The following DMRT3 variants were observed in gnomAD, a reference collection of about 807,000 sequenced individuals.
The protein encoded by DMRT3 is doublesex- and mab-3-related transcription factor 3.
In DMRT3, 29 loss-of-function variants were observed where a neutral mutation model predicts 34.9. That is an observed-to-expected ratio of 0.83 (90% CI 0.62 to 1.13). The LOEUF (loss-of-function observed/expected upper bound fraction) is 1.13, where lower values mean the gene tolerates loss of function less well. Ranked by LOEUF, DMRT3 falls within the 50% of genes most tolerant of loss-of-function variation. The pLI, the probability that DMRT3 is intolerant of heterozygous loss-of-function variation, is 0.00. For missense variants in DMRT3, 772 were observed against 629.1 expected (o/e 1.23, Z -2.43); for synonymous variants, 350 against 286.0 (o/e 1.22, Z -2.26).
chr9:986,964 T>C (rs911972746), intron 1 of DMRT3, among the ~76,000 whole-genome samples: 4 of 152,050 alleles, frequency 2.6e-5, no homozygotes, highest in Non-Finnish European at 5.9e-5. Flanking sequence ...GAAGGACTAG[T>C]TGTTTCTCTT....
intron 1 of DMRT3, among the ~76,000 whole-genome samples, chr9:987,734 T>C (rs921437525): frequency 1.3e-5 from 2 of 152,164 alleles, no homozygotes; most frequent in Non-Finnish European, 2.9e-5. Flanking sequence ...ATATAAATAC[T>C]TGGTGCTGAT....
chr9:986,486 A>G (rs1820285967), intron 1 of DMRT3, among the ~76,000 whole-genome samples: 1 of 152,174 alleles, frequency 6.6e-6, no homozygotes, highest in Admixed American at 6.5e-5. Flanking sequence ...TGGTTGACAG[A>G]CCTGAGAAAA....
At chr9:981,100 TG>T (rs1006736503) in intron 1 of DMRT3, among the ~76,000 whole-genome samples, 4 of 150,998 alleles carry the variant, frequency 2.6e-5, no homozygotes, top group African/African-American at 9.7e-5. Context: ...TCTTAGGGGG[TG>T]GGGGCGGAGC....
chr9:983,950 G>A (rs1011364148), intron 1 of DMRT3, among the ~76,000 whole-genome samples: 5 of 149,174 alleles, frequency 3.4e-5, no homozygotes, highest in African/African-American at 5.0e-5. Context: ...TCCCCAACCC[G>A]GCAATCCACC....
chr9:990,931 T>TC lies in DMRT3; in HGVS notation c.1347dup (p.Ile450HisfsTer8). 3.7e-6 allele frequency: 6 copies of TC among 1,614,044 alleles called. No homozygotes were observed. The highest frequency in any genetic ancestry group is 5.1e-6 in the Non-Finnish European group (6 of 1,180,020). The stretch of plus-strand genomic sequence containing the variant: ...TGGGTGTCCATTTGTGTCAAAGCAG[T>TC]CCATTTACACCGAGGACGACTATGA... On this transcript the variant is annotated frameshift_variant, in exon 2 of 2. Transcript: ENST00000190165. LOFTEE classifies it high-confidence loss of function.
At chr9:982,473 G>T (rs149586021) in intron 1 of DMRT3, among the ~76,000 whole-genome samples, 1 of 152,176 alleles carries the variant, frequency 6.6e-6, no homozygotes, top group Non-Finnish European at 1.5e-5. Flanking sequence ...ATGAACTCCC[G>T]GGTTTAAAAG....
chr9:987,273 G>A (rs188477706), intron 1 of DMRT3, among the ~76,000 whole-genome samples: 114 of 152,202 alleles, frequency 7.5e-4, no homozygotes, highest in African/African-American at 2.7e-3. Context: ...CCTATTCTTG[G>A]TATCGAATAT....
chr9:987,099 A>G (rs557322142), intron 1 of DMRT3, among the ~76,000 whole-genome samples: 7 of 152,218 alleles, frequency 4.6e-5, no homozygotes, highest in African/African-American at 7.2e-5. Context: ...TAGGGGCACA[A>G]TTCAGTGGCA....
chr9:989,250 G>A (rs191947794), intron 1 of DMRT3, among the ~76,000 whole-genome samples: 16 of 152,200 alleles, frequency 1.1e-4, no homozygotes, highest in African/African-American at 4.8e-5. Flanking sequence ...AGTGTGATGC[G>A]TTGTTTCATT....
At position 991,068 on chromosome 9, in the gene DMRT3, G is replaced by T. The variant is rs1308055370; in HGVS notation, c.*63G>T. The stretch of plus-strand genomic sequence containing the variant: ...TGTGCGTTTTGACCCTGAGGCATCT[G>T]AGGAGAGGCCACATCTTGTGTATGC... On this transcript the variant is annotated 3_prime_UTR_variant, in exon 2 of 2. Transcript: ENST00000190165. The T allele has an allele frequency of 2.6e-5, 41 of 1,547,664 alleles. No homozygotes were observed. The highest frequency in any genetic ancestry group is 3.6e-5 in the Non-Finnish European group (41 of 1,144,990).
At position 991,044 on chromosome 9, in the gene DMRT3, G is replaced by A; in HGVS notation, c.*39G>A. The stretch of plus-strand genomic sequence containing the variant: ...GGGTGGTGGCCAGGTGACATTTTCT[G>A]TGCGTTTTGACCCTGAGGCATCTGA... On this transcript the variant is annotated 3_prime_UTR_variant, in exon 2 of 2. Coordinates refer to ENST00000190165, the MANE Select transcript of DMRT3 (RefSeq NM_021240.4). The A allele has an allele frequency of 6.4e-7, 1 of 1,573,152 alleles. No individual in the cohort carries two copies. Among genetic ancestry groups the A allele is most frequent in the South Asian group, 1.2e-5 (1 of 84,016 alleles).
chr9:978,284 G>C (rs983150015), intron 1 of DMRT3, among the ~76,000 whole-genome samples: 6 of 152,184 alleles, frequency 3.9e-5, no homozygotes, highest in African/African-American at 1.2e-4. Flanking sequence ...TCCTGAGCTT[G>C]GCAGGCCTGA....
intron 1 of DMRT3, among the ~76,000 whole-genome samples, chr9:977,761 G>A (rs1820170704): frequency 6.6e-6 from 1 of 152,200 alleles, no homozygotes; most frequent in South Asian, 2.1e-4. Context: ...AGATTGAGCA[G>A]GGAGACAACG....
intron 1 of DMRT3, among the ~76,000 whole-genome samples, chr9:980,377 A>C (rs1391792227): frequency 1.3e-5 from 2 of 152,082 alleles, no homozygotes; most frequent in Non-Finnish European, 1.5e-5. Flanking sequence ...TTCATATTCT[A>C]GTGGTTTTTA....
At chr9:989,353 A>C (rs1242186241) in intron 1 of DMRT3, among the ~76,000 whole-genome samples, 1 of 152,214 alleles carries the variant, frequency 6.6e-6, no homozygotes, top group African/African-American at 2.4e-5. Flanking sequence ...TCCGGAATTC[A>C]TAGCTGGTTT....
chr9:982,930 G>A (rs772148415), intron 1 of DMRT3, among the ~76,000 whole-genome samples: 82 of 152,142 alleles, frequency 5.4e-4, no homozygotes, highest in Non-Finnish European at 1.0e-3. Context: ...GTCTAGTCCT[G>A]TGTGGCTCTG....
At chr9:989,681 C>T (rs1319378262) in intron 1 of DMRT3, among the ~76,000 whole-genome samples, 1 of 152,274 alleles carries the variant, frequency 6.6e-6, no homozygotes, top group East Asian at 1.9e-4. Flanking sequence ...CCTGTTTCTC[C>T]CTGAGCTTTG....
At chr9:987,399 G>C (rs530426185) in intron 1 of DMRT3, among the ~76,000 whole-genome samples, 1 of 150,762 alleles carries the variant, frequency 6.6e-6, no homozygotes, top group Non-Finnish European at 1.5e-5. Flanking sequence ...TTTTAAGGCT[G>C]AATAATATCC....
At chr9:989,542 A>G (rs976775254) in intron 1 of DMRT3, among the ~76,000 whole-genome samples, 1 of 152,230 alleles carries the variant, frequency 6.6e-6, no homozygotes, top group African/African-American at 2.4e-5. Context: ...TTAACACAAA[A>G]TCAGCCTATG....
Sources: gnomAD v4.1 joint callset for allele counts (sites outside exome capture counted in the v4.1 genomes callset) on GRCh38, gnomAD v4.1.1 for gene constraint, MANE v1.5 for transcripts, NCBI Gene and HGNC (gene_info 2026-07-23, HGNC 2026-07-21) for gene names.